Variants in PPP2R5D observed in about 807,000 individuals in gnomAD.
PPP2R5D encodes protein phosphatase 2 regulatory subunit B'delta, also known as serine/threonine-protein phosphatase 2A 56 kDa regulatory subunit delta isoform.
PPP2R5D carries 12 observed loss-of-function variants against 79.1 expected under a neutral mutation model. The ratio of observed to expected loss-of-function variants is 0.15; its 90% CI spans 0.10 to 0.25. PPP2R5D has a LOEUF of 0.25. PPP2R5D is among the 10% of genes least tolerant of loss of function. PPP2R5D has a pLI of 1.00. For synonymous variants in PPP2R5D, 277 were observed against 286.6 expected, an observed-to-expected ratio of 0.97 and a Z score of 0.34; for missense variants, 419 against 760.2, an observed-to-expected ratio of 0.55 and a Z score of 5.28.
intron 2 of PPP2R5D, among the ~76,000 whole-genome samples, chr6:43,003,944 T>C (rs1761918922): frequency 6.6e-6 from 1 of 151,034 alleles, no homozygotes; most frequent in Non-Finnish European, 1.5e-5. Context: ...GGTCTCGATC[T>C]CCTGACCTCG....
intron 2 of PPP2R5D, among the ~76,000 whole-genome samples, chr6:42,992,099 G>A (rs538128675): frequency 3.3e-5 from 5 of 151,992 alleles, no homozygotes; most frequent in African/African-American, 7.2e-5. Flanking sequence ...TTGCTCTGTC[G>A]CCCAGGCTGG....
chr6:42,997,595 T>C (rs947496905), intron 2 of PPP2R5D, among the ~76,000 whole-genome samples: 1 of 151,998 alleles, frequency 6.6e-6, no homozygotes, highest in African/African-American at 2.4e-5. Context: ...CTGCAATATC[T>C]ACCTCCCGGG....
intron 1 of PPP2R5D, among the ~76,000 whole-genome samples, chr6:42,987,322 C>T (rs1770924760): frequency 6.6e-6 from 1 of 152,242 alleles, no homozygotes. Context: ...TGGAGGGATT[C>T]GCATCTCTCC....
rs1295521552 is a variant in PPP2R5D at position 43,012,145 on chromosome 6, C to T, written c.*859C>T. ...GTTTGTGCTATGCTGGGCAGGCCTT[C>T]TCTTGTCCCTTATAGGTACCTTGGA... On this transcript the variant is annotated 3_prime_UTR_variant, in exon 16 of 16. Coordinates refer to ENST00000485511, the MANE Select transcript of PPP2R5D (RefSeq NM_006245.4). The T allele has an allele frequency of 9.9e-7, 1 of 1,005,932 alleles. No homozygotes were observed. The highest frequency in any genetic ancestry group is 1.7e-5 in the African/African-American group (1 of 58,784). The allele number at this position is 1,005,932 out of a possible 1,614,324, so 62.3% of individuals were successfully genotyped here. A position where few individuals can be genotyped will look rare whatever the true frequency, so the allele number is the denominator to read the frequency against.
At chr6:42,990,559 A>G (rs564142870) in intron 2 of PPP2R5D, among the ~76,000 whole-genome samples, 1 of 152,250 alleles carries the variant, frequency 6.6e-6, no homozygotes, top group South Asian at 2.1e-4. Flanking sequence ...CTCTAAAGAG[A>G]TACAAGCACT....
intron 2 of PPP2R5D, among the ~76,000 whole-genome samples, chr6:42,993,297 C>CAA (rs61441206): frequency 4.2e-4 from 55 of 130,914 alleles, no homozygotes; most frequent in African/African-American, 1.3e-3. Flanking sequence ...AACTCCGTCT[C>CAA]AAAAAAAAAA....
At position 42,989,503 on chromosome 6, in the gene PPP2R5D, T is replaced by C. The variant is rs1771096894; in HGVS notation, c.28-108T>C. 5.7e-5 allele frequency: 53 copies of C among 922,650 alleles called. 1 individual carries two copies. In the South Asian group the frequency reaches 7.6e-4, roughly 13 times the overall value. The allele number at this position is 922,650 out of a possible 1,614,324, so 57.2% of individuals were successfully genotyped here. On this transcript the variant is annotated intron_variant, in intron 1 of 15. Coordinates refer to ENST00000485511, the MANE Select transcript of PPP2R5D (RefSeq NM_006245.4). ...TCCGCACAAGGTAGATTCTAATTGA[T>C]TGATTCAACTGGACAGAGGATATTT...
rs41274904 is a variant in PPP2R5D, at chr6:43,011,551, T to C, written c.*265T>C. ...AGACAACCTGGGGATGCCTGTCCCCTACCTGCTCCTCACCCACAGCTACCT... is the reference window on the plus strand; with the variant it reads ...AGACAACCTGGGGATGCCTGTCCCCCACCTGCTCCTCACCCACAGCTACCT... On this transcript the variant is annotated 3_prime_UTR_variant, in exon 16 of 16. Coordinates refer to ENST00000485511, the MANE Select transcript of PPP2R5D (RefSeq NM_006245.4). The C allele has an allele frequency of 3.9e-3, 2,042 of 518,854 alleles. 14 individuals carry two copies. Among genetic ancestry groups the C allele is most frequent in the Non-Finnish European group, 3.9e-3 (1,130 of 288,072 alleles). The allele number at this position is 518,854 out of a possible 1,614,324, so 32.1% of individuals were successfully genotyped here.
chr6:42,992,633 C>T (rs939746199), intron 2 of PPP2R5D, among the ~76,000 whole-genome samples: 1 of 151,900 alleles, frequency 6.6e-6, no homozygotes, highest in African/African-American at 2.4e-5. Context: ...GGGCAACATA[C>T]AGAGACCCTG....
chr6:43,003,820 C>T (rs937517010), intron 2 of PPP2R5D, among the ~76,000 whole-genome samples: 12 of 151,946 alleles, frequency 7.9e-5, no homozygotes, highest in South Asian at 4.2e-4. Flanking sequence ...CTGCAAGCTC[C>T]GCCTCCCGGG....
At chr6:42,993,297 CA>C (rs61441206) in intron 2 of PPP2R5D, among the ~76,000 whole-genome samples, 11,458 of 130,682 alleles carry the variant, frequency 0.088, 507 homozygotes, top group African/African-American at 0.14. Context: ...AACTCCGTCT[CA>C]AAAAAAAAAA....
chr6:43,002,456 C>T (rs1761797272), intron 2 of PPP2R5D, among the ~76,000 whole-genome samples: 1 of 148,812 alleles, frequency 6.7e-6, no homozygotes, highest in Non-Finnish European at 1.5e-5. Context: ...AGCCACCGTG[C>T]CTGGCCTAGT....
intron 1 of PPP2R5D, among the ~76,000 whole-genome samples, chr6:42,987,682 G>T (rs753727763): frequency 6.6e-6 from 1 of 152,104 alleles, no homozygotes; most frequent in Non-Finnish European, 1.5e-5. Context: ...CACCTGTTCT[G>T]CAGGAGCCAG....
At chr6:42,998,051 ATATATATTTTTTTTTTTTTTTTTTT>A (rs1771904029) in intron 2 of PPP2R5D, among the ~76,000 whole-genome samples, 1 of 19,066 alleles carries the variant, frequency 5.2e-5, no homozygotes, top group African/African-American at 1.9e-4. Flanking sequence ...ATATATATAT[ATATATATTTTTTTTTTTTTTTTTTT>A]TTTTTTTTTT....
Position 42,984,605 on chromosome 6 carries a change from G to T in PPP2R5D, c.-73G>T. 1 of 1,531,388 alleles carries T rather than the reference G, an allele frequency of 6.5e-7. No homozygotes were observed. The highest frequency in any genetic ancestry group is 2.5e-5 in the East Asian group (1 of 40,314). The allele number at this position is 1,531,388 out of a possible 1,614,324, so 94.9% of individuals were successfully genotyped here. On this transcript the variant is annotated 5_prime_UTR_variant, in exon 1 of 16. Coordinates refer to ENST00000485511, the MANE Select transcript of PPP2R5D (RefSeq NM_006245.4). ...GGCGGTGGCGAAGAGACGCCGAGCG[G>T]GCCGAGTGCGGCCGAGCAAAGCCGG...
intron 2 of PPP2R5D, among the ~76,000 whole-genome samples, chr6:42,990,161 AGC>A (rs1771157923): frequency 6.6e-6 from 1 of 152,202 alleles, no homozygotes; most frequent in South Asian, 2.1e-4. Flanking sequence ...GACAGTCCTG[AGC>A]AGAGTTCAGC....
At chr6:43,002,852 G>C (rs1048943066) in intron 2 of PPP2R5D, among the ~76,000 whole-genome samples, 1 of 152,160 alleles carries the variant, frequency 6.6e-6, no homozygotes, top group Non-Finnish European at 1.5e-5. Flanking sequence ...GGAGAGGAGC[G>C]GGAGATGGCA....
At chr6:42,997,357 TA>T (rs571706816) in intron 2 of PPP2R5D, among the ~76,000 whole-genome samples, 296 of 152,146 alleles carry the variant, frequency 1.9e-3, no homozygotes, top group African/African-American at 6.6e-3. Flanking sequence ...CACATCTGGC[TA>T]ATTTTGTATT....
In PPP2R5D at chr6:43,009,509, G is replaced by GGAA; in HGVS notation, c.1379+64_1379+66dup. 6.2e-7 allele frequency: 1 copy of GGAA among 1,607,992 alleles called. No homozygotes were observed. The highest frequency in any genetic ancestry group is 8.5e-7 in the Non-Finnish European group (1 of 1,176,498). ...CCAGTTTGGGAAACTTTGAGGGTATGGAAGAACTAAAGAGCCAGGGGTCTC... is the reference window on the plus strand; with the variant it reads ...CCAGTTTGGGAAACTTTGAGGGTATGGAAGAAGAACTAAAGAGCCAGGGGTCTC... On this transcript the variant is annotated intron_variant, in intron 12 of 15. Coordinates refer to ENST00000485511, the MANE Select transcript of PPP2R5D (RefSeq NM_006245.4). The surrounding 1 kb of genome is among the most constrained non-coding windows in gnomAD (Gnocchi z 5.6).
Sources: allele counts gnomAD v4.1 joint callset (sites outside exome capture counted in the v4.1 genomes callset), GRCh38; gene constraint gnomAD v4.1.1; non-coding constraint Gnocchi (gnomAD v3.1); transcripts MANE v1.5; gene names NCBI Gene and HGNC (gene_info 2026-07-23, HGNC 2026-07-21).